The following MAPKAPK2 variants were observed in gnomAD, a reference collection of about 807,000 sequenced individuals.
MAPKAPK2 encodes the protein MAPK activated protein kinase 2.
Under a neutral mutation model 48.8 loss-of-function variants are expected in MAPKAPK2, and 9 were observed. That is an observed-to-expected ratio of 0.18 (90% CI 0.11 to 0.32). The LOEUF is 0.32. Ranked by LOEUF, MAPKAPK2 falls within the 10% of genes least tolerant of loss-of-function variation. The pLI, the probability that MAPKAPK2 is intolerant of heterozygous loss-of-function variation, is 1.00. For synonymous variants in MAPKAPK2, 202 were observed against 190.6 expected (o/e 1.06, Z -0.49); for missense variants, 331 against 498.3 (o/e 0.66, Z 3.20).
chr1:206,700,163 C>G (rs1266483546), intron 1 of MAPKAPK2, among the ~76,000 whole-genome samples: 2 of 152,146 alleles, frequency 1.3e-5, no homozygotes, highest in African/African-American at 4.8e-5. Context: ...CCCATCCACA[C>G]TTTCCACTCT....
In MAPKAPK2 at chr1:206,731,314, G is replaced by GTGTGTA; in HGVS notation, c.892+58_892+63dup. The GTGTGTA allele has an allele frequency of 1.2e-6, 2 of 1,609,142 alleles. No homozygotes were observed. Among genetic ancestry groups the GTGTGTA allele is most frequent in the Non-Finnish European group, 1.7e-6 (2 of 1,177,360 alleles). On this transcript the variant is annotated intron_variant, in intron 7 of 9. Coordinates refer to ENST00000367103, the MANE Select transcript of MAPKAPK2 (RefSeq NM_032960.4). This position sits in a 1 kb window ranked among gnomAD's most constrained non-coding sequence, Gnocchi z 5.9. Reference sequence around the variant, plus strand: ...GGGAAGAGCCCGTGTGTGTGTGTGTGTGTGTATGTGTGTACACGCAGACAC... The same window carrying GTGTGTA: ...GGGAAGAGCCCGTGTGTGTGTGTGTGTGTGTATGTGTATGTGTGTACACGCAGACAC...
At position 206,732,791 on chromosome 1, in the gene MAPKAPK2, A is replaced by G; in HGVS notation, c.*73A>G. 1 of 1,546,924 alleles carries G rather than the reference A, an allele frequency of 6.5e-7. No individual in the cohort carries two copies. The highest frequency in any genetic ancestry group is 1.2e-5 in the South Asian group (1 of 85,600). ...AGGAATATATTTTTTAAACGAAGAGACAGAACTGTCCACATCTGCCTCCTC... is the reference window on the plus strand; with the variant it reads ...AGGAATATATTTTTTAAACGAAGAGGCAGAACTGTCCACATCTGCCTCCTC... On this transcript the variant is annotated 3_prime_UTR_variant, in exon 10 of 10. Coordinates refer to ENST00000367103, the MANE Select transcript of MAPKAPK2 (RefSeq NM_032960.4). This position sits in a 1 kb window ranked among gnomAD's most constrained non-coding sequence, Gnocchi z 4.4.
intron 1 of MAPKAPK2, among the ~76,000 whole-genome samples, chr1:206,724,064 A>G (rs1445483986): frequency 6.6e-6 from 1 of 152,224 alleles, no homozygotes; most frequent in African/African-American, 2.4e-5. Context: ...TCCTCCAGGC[A>G]TTCTTTGACT....
chr1:206,701,379 A>C (rs1360322180), intron 1 of MAPKAPK2, among the ~76,000 whole-genome samples: 1 of 152,232 alleles, frequency 6.6e-6, no homozygotes, highest in African/African-American at 2.4e-5. Flanking sequence ...TTATCATCAC[A>C]GAATAGTCTC....
rs370743148 is a variant in MAPKAPK2, at chr1:206,704,555, T to G, written c.279+19047T>G. ...AGGTCCAGGGTCGGGGAGGACTTGA[T>G]GAGGGAATAAAACCAGCCGGCTCAT... On this transcript the variant is annotated intron_variant, in intron 1 of 9. Coordinates refer to ENST00000367103, the MANE Select transcript of MAPKAPK2 (RefSeq NM_032960.4). This position sits in a 1 kb window ranked among gnomAD's most constrained non-coding sequence, Gnocchi z 4.3. 7.2e-5 allele frequency among the ~76,000 whole-genome samples: 11 copies of G among 152,122 alleles called. No homozygotes were observed. In the South Asian group the frequency reaches 1.0e-3, roughly 14 times the overall value.
chr1:206,727,391 T>C (rs1424761277), intron 1 of MAPKAPK2, among the ~76,000 whole-genome samples: 1 of 152,190 alleles, frequency 6.6e-6, no homozygotes, highest in African/African-American at 2.4e-5. Flanking sequence ...GAAAAGCAGC[T>C]TAAACAGTAA....
chr1:206,717,356 C>T (rs1003653095), intron 1 of MAPKAPK2, among the ~76,000 whole-genome samples: 11 of 152,256 alleles, frequency 7.2e-5, no homozygotes, highest in Middle Eastern at 3.4e-3. Context: ...ATAATTGATG[C>T]GGTTGAAATG....
At chr1:206,711,868 C>G (rs916539579) in intron 1 of MAPKAPK2, among the ~76,000 whole-genome samples, 4 of 152,184 alleles carry the variant, frequency 2.6e-5, no homozygotes, top group Non-Finnish European at 4.4e-5. Context: ...AGTGATCCAT[C>G]TGCCTCGGCC....
In MAPKAPK2 at chr1:206,685,369, A is replaced by C; in HGVS notation, c.140A>C (p.His47Pro). Residue 47 changes from histidine to proline, a missense_variant, in exon 1 of 10, where the codon CAC becomes CCC. Coordinates refer to ENST00000367103, the MANE Select transcript of MAPKAPK2 (RefSeq NM_032960.4). ...CCCCCGCAGCAGTTCCCGCAGTTCC[A>C]CGTCAAGTCCGGCCTGCAGATCAAG... ...PPPPQQFPQF[H>P]VKSGLQIKKN... 1 of 1,469,890 alleles carries C rather than the reference A, an allele frequency of 6.8e-7. No individual in the cohort carries two copies. The highest frequency in any genetic ancestry group is 9.1e-7 in the Non-Finnish European group (1 of 1,097,336). The allele number at this position is 1,469,890 out of a possible 1,614,324, so 91.1% of individuals were successfully genotyped here.
chr1:206,716,669 A>G (rs1553430442), intron 1 of MAPKAPK2, among the ~76,000 whole-genome samples: 1 of 152,038 alleles, frequency 6.6e-6, no homozygotes, highest in African/African-American at 2.4e-5. Flanking sequence ...GTAAAATTTT[A>G]GATTTGCTTT....
At chr1:206,698,319 T>A (rs1553427368) in intron 1 of MAPKAPK2, among the ~76,000 whole-genome samples, 1 of 152,170 alleles carries the variant, frequency 6.6e-6, no homozygotes, top group African/African-American at 2.4e-5. Context: ...CTATATGAGA[T>A]GAGAAGAATT....
Position 206,731,186 on chromosome 1 carries a change from T to G in MAPKAPK2, c.816T>G (p.Ser272=). The G allele has an allele frequency of 1.9e-6, 3 of 1,614,144 alleles. No individual in the cohort carries two copies. In the South Asian group the frequency reaches 3.3e-5, roughly 18 times the overall value. Residue 272 remains serine (S), a synonymous_variant, in exon 7 of 10, where the codon TCT becomes TCG. Transcript: ENST00000367103. The surrounding 1 kb of genome is among the most constrained non-coding windows in gnomAD (Gnocchi z 5.9). Reference sequence around the variant, plus strand: ...ACTCCAACCACGGCCTTGCCATCTCTCCGGGCATGAAGACTCGCATCCGAA... The same window carrying G: ...ACTCCAACCACGGCCTTGCCATCTCGCCGGGCATGAAGACTCGCATCCGAA... ...PFYSNHGLAI[S]PGMKTRIRMG...
chr1:206,729,242 C>A, intron 3 of MAPKAPK2, 143 bp downstream of exon 3: 1 of 1,114,776 alleles, frequency 9.0e-7, no homozygotes. Flanking sequence ...CTCAGCTGAC[C>A]AGGGAAGCTC....
rs1336099369 is a variant in MAPKAPK2, at chr1:206,704,714, CTGAA to C, written c.279+19208_279+19211del. Among the ~76,000 whole-genome samples, 1 of 152,190 alleles carries C rather than the reference CTGAA, an allele frequency of 6.6e-6. No individual in the cohort carries two copies. The highest frequency in any genetic ancestry group is 2.4e-5 in the African/African-American group (1 of 41,460). ...TCCAGAAGCTTCATCATCATTTGAA[CTGAA>C]TAAGTGAAGATGAGTGCACCACAAG... On this transcript the variant is annotated intron_variant, in intron 1 of 9. Transcript: ENST00000367103. The surrounding 1 kb of genome is among the most constrained non-coding windows in gnomAD (Gnocchi z 4.3).
chr1:206,722,127 G>A (rs1230283029), intron 1 of MAPKAPK2, among the ~76,000 whole-genome samples: 5 of 151,100 alleles, frequency 3.3e-5, no homozygotes, highest in African/African-American at 2.4e-5. Context: ...TTGGGAGGCC[G>A]AGGCGGGCGG....
intron 1 of MAPKAPK2, among the ~76,000 whole-genome samples, chr1:206,715,629 CTTT>C (rs11349381): frequency 3.8e-5 from 5 of 131,564 alleles, no homozygotes; most frequent in Non-Finnish European, 3.2e-5. Context: ...TTCTTTCTTT[CTTT>C]TTTTTTTTTT....
chr1:206,691,669 C>T (rs1229972367), intron 1 of MAPKAPK2, among the ~76,000 whole-genome samples: 16 of 151,936 alleles, frequency 1.1e-4, no homozygotes, highest in African/African-American at 3.9e-4. Flanking sequence ...CTTTCCAGGC[C>T]TCATTGCACA....
chr1:206,718,831 A>G (rs556877848), intron 1 of MAPKAPK2, among the ~76,000 whole-genome samples: 139 of 152,300 alleles, frequency 9.1e-4, no homozygotes, highest in African/African-American at 3.3e-3. Context: ...TACTGGGTCC[A>G]AGGTTTGAAC....
chr1:206,699,983 C>T (rs1672746833), intron 1 of MAPKAPK2, among the ~76,000 whole-genome samples: 1 of 145,750 alleles, frequency 6.9e-6, no homozygotes, highest in African/African-American at 2.5e-5. Flanking sequence ...TTCTTTTTTT[C>T]TCTTTCTTTC....
Sources: allele counts gnomAD v4.1 joint callset (sites outside exome capture counted in the v4.1 genomes callset), GRCh38; gene constraint gnomAD v4.1.1; non-coding constraint Gnocchi (gnomAD v3.1); transcripts MANE v1.5; gene names NCBI Gene and HGNC (gene_info 2026-07-23, HGNC 2026-07-21).